Variants in EPHB2 observed in about 807,000 individuals in gnomAD.
EPHB2 encodes EPH receptor B2.
EPHB2 carries 18 observed loss-of-function variants against 96.4 expected under a neutral mutation model. That is an observed-to-expected ratio of 0.19 (90% confidence interval 0.13 to 0.28). The LOEUF is 0.28. Ranked by LOEUF, EPHB2 falls within the 10% of genes least tolerant of loss-of-function variation. The pLI is 1.00. For missense variants in EPHB2, 989 were observed against 1,355.4 expected (o/e 0.73, Z 4.25); for synonymous variants, 506 against 534.1 (o/e 0.95, Z 0.72).
Position 22,907,997 on chromosome 1 carries a change from T to C in EPHB2, c.2181T>C (p.Leu727=), listed in dbSNP as rs963824341. The change falls in exon 12 of 16, where the codon CTT becomes CTC. Residue 727 remains leucine, a synonymous_variant. Transcript: ENST00000374630. Reference sequence around the variant, plus strand: ...CAGTCATCCAGCTGGTGGGCATGCTTCGGGGCATCGCAGCTGGCATGAAGT... The same window carrying C: ...CAGTCATCCAGCTGGTGGGCATGCTCCGGGGCATCGCAGCTGGCATGAAGT... ...QFTVIQLVGM[L]RGIAAGMKYL... is the part of the protein sequence containing the mutation. The C allele has an allele frequency of 9.3e-6, 15 of 1,614,112 alleles. No homozygotes were observed. The highest frequency in any genetic ancestry group is 4.0e-5 in the African/African-American group (3 of 74,932).
intron 1 of EPHB2, among the ~76,000 whole-genome samples, chr1:22,715,260 G>C (rs1223390427): frequency 1.3e-5 from 2 of 152,230 alleles, no homozygotes; most frequent in African/African-American, 2.4e-5. Flanking sequence ...GAGATACCAA[G>C]GGGATGGCTT....
intron 1 of EPHB2, among the ~76,000 whole-genome samples, chr1:22,729,510 A>G (rs1161793396): frequency 6.6e-6 from 1 of 152,122 alleles, no homozygotes; most frequent in Non-Finnish European, 1.5e-5. Context: ...TACTCTGCCT[A>G]ATTTCCATCA....
At chr1:22,775,040 G>C in intron 1 of EPHB2, 1 of 658,398 alleles carries the variant, frequency 1.5e-6, no homozygotes, top group Non-Finnish European at 2.8e-6. Flanking sequence ...CCACTCCCCT[G>C]CTGCCCTCCT....
At chr1:22,834,793 G>T (rs1645355605) in intron 3 of EPHB2, among the ~76,000 whole-genome samples, 1 of 151,814 alleles carries the variant, frequency 6.6e-6, no homozygotes, top group South Asian at 2.1e-4. Context: ...AGGTGTGGTG[G>T]CATGCACCTG....
At chr1:22,724,817 C>T (rs1308747985) in intron 1 of EPHB2, among the ~76,000 whole-genome samples, 1 of 152,074 alleles carries the variant, frequency 6.6e-6, no homozygotes, top group Non-Finnish European at 1.5e-5. Flanking sequence ...GGGGACTGGC[C>T]CAGGGATCAC....
At chr1:22,908,965 G>A (rs1640002857) in intron 12 of EPHB2, 57 bp from the exon 13 acceptor site, 1 of 1,609,522 alleles carries the variant, frequency 6.2e-7, no homozygotes, top group Non-Finnish European at 8.5e-7. Context: ...AGGATTAAGA[G>A]AAGAGGTCAG....
At chr1:22,810,852 AG>A (rs1265956925) in intron 3 of EPHB2, among the ~76,000 whole-genome samples, 1 of 152,120 alleles carries the variant, frequency 6.6e-6, no homozygotes, top group Non-Finnish European at 1.5e-5. Context: ...AGTTCGAATG[AG>A]GGACTTTCAG....
intron 5 of EPHB2, among the ~76,000 whole-genome samples, chr1:22,866,433 C>T (rs987245685): frequency 2.0e-4 from 30 of 152,116 alleles, no homozygotes; most frequent in African/African-American, 6.3e-4. Flanking sequence ...AAGGACCAGT[C>T]GAAATTTTTT....
chr1:22,835,201 G>A (rs550543282), intron 3 of EPHB2, among the ~76,000 whole-genome samples: 25 of 152,028 alleles, frequency 1.6e-4, no homozygotes, highest in Admixed American at 9.2e-4. Flanking sequence ...GTGACATGGC[G>A]AAACCTCATC....
chr1:22,826,948 C>A (rs1016173222), intron 3 of EPHB2, among the ~76,000 whole-genome samples: 1 of 152,230 alleles, frequency 6.6e-6, no homozygotes, highest in African/African-American at 2.4e-5. Context: ...TCTGGATGTC[C>A]CACAGTCCCC....
rs908761901 is a variant in EPHB2, at chr1:22,846,032, G to A, written c.812-17005G>A. Among the ~76,000 whole-genome samples, 17 of 152,188 alleles carry A rather than the reference G, an allele frequency of 1.1e-4. No individual in the cohort carries two copies. The highest frequency in any genetic ancestry group is 3.9e-4 in the African/African-American group (16 of 41,436). On this transcript the variant is annotated intron_variant, in intron 3 of 15. Coordinates refer to ENST00000374630, the MANE Select transcript of EPHB2 (RefSeq NM_017449.5). The surrounding 1 kb of genome is among the most constrained non-coding windows in gnomAD (Gnocchi z 4.3). The stretch of plus-strand genomic sequence containing the variant: ...TAAGAAGCCATTTGGCCCTGGGAAA[G>A]TTTGGGATCAGTTAGACCCTAAGGA...
intron 1 of EPHB2, among the ~76,000 whole-genome samples, chr1:22,752,864 G>C (rs1644085769): frequency 6.6e-6 from 1 of 152,064 alleles, no homozygotes; most frequent in African/African-American, 2.4e-5. Flanking sequence ...ACTTGCTGCA[G>C]CGTCAGATTA....
chr1:22,894,259 G>A (rs1052786094), intron 7 of EPHB2, among the ~76,000 whole-genome samples: 26 of 152,164 alleles, frequency 1.7e-4, no homozygotes, highest in African/African-American at 4.3e-4. Context: ...CCCAGAGCGC[G>A]TCCCTGATCT....
intron 1 of EPHB2, among the ~76,000 whole-genome samples, chr1:22,753,711 G>A (rs891408464): frequency 7.2e-5 from 11 of 152,206 alleles, no homozygotes; most frequent in African/African-American, 2.7e-4. Flanking sequence ...CCTGGGGACA[G>A]TTTGTCGGGG....
intron 3 of EPHB2, among the ~76,000 whole-genome samples, chr1:22,804,219 C>T (rs1312788923): frequency 6.6e-6 from 1 of 152,162 alleles, no homozygotes; most frequent in Non-Finnish European, 1.5e-5. Context: ...ATTGGGTTGG[C>T]TGGTTTGGTC....
chr1:22,776,721 G>A (rs1365260679), intron 1 of EPHB2, among the ~76,000 whole-genome samples: 1 of 152,238 alleles, frequency 6.6e-6, no homozygotes, highest in Non-Finnish European at 1.5e-5. Context: ...GAAAGAAAAG[G>A]AGTCAAGTGG....
chr1:22,777,349 A>G (rs1334531750), intron 1 of EPHB2, among the ~76,000 whole-genome samples: 1 of 152,194 alleles, frequency 6.6e-6, no homozygotes, highest in East Asian at 1.9e-4. Flanking sequence ...GACAGTATCA[A>G]GTACCTCTTG....
chr1:22,736,365 C>T (rs1048695073), intron 1 of EPHB2, among the ~76,000 whole-genome samples: 15 of 152,294 alleles, frequency 9.8e-5, no homozygotes, highest in South Asian at 2.1e-4. Flanking sequence ...GGCCCAGAGA[C>T]GTAAAAGCCT....
chr1:22,728,177 A>G (rs1643625652), intron 1 of EPHB2, among the ~76,000 whole-genome samples: 2 of 152,234 alleles, frequency 1.3e-5, no homozygotes, highest in Non-Finnish European at 2.9e-5. Context: ...TTTGTTTACA[A>G]ATGCTCAGCA....
Sources: gnomAD v4.1 joint callset for allele counts (sites outside exome capture counted in the v4.1 genomes callset) on GRCh38, gnomAD v4.1.1 for gene constraint, Gnocchi (gnomAD v3.1) non-coding constraint, MANE v1.5 for transcripts, NCBI Gene and HGNC (gene_info 2026-07-23, HGNC 2026-07-21) for gene names.